The following KIFC2 variants were observed in gnomAD, a reference collection of about 807,000 sequenced individuals.
KIFC2 encodes kinesin family member C2, also known as kinesin-like protein KIFC2.
In KIFC2, 94 loss-of-function variants were observed where a neutral mutation model predicts 91.5. The ratio of observed to expected loss-of-function variants is 1.03; its 90% CI spans 0.87 to 1.22. The LOEUF (loss-of-function observed/expected upper bound fraction) is 1.22. Among genes scored for constraint, KIFC2 ranks in the 50% most tolerant of loss-of-function variants. The pLI, the probability that KIFC2 is intolerant of heterozygous loss-of-function variation, is 0.00. For missense variants in KIFC2, 1,357 were observed against 1,103.3 expected (o/e 1.23, Z -3.26); for synonymous variants, 729 against 503.9 (o/e 1.45, Z -5.98).
Position 144,467,600 on chromosome 8 carries a change from G to A in KIFC2, c.585G>A (p.Trp195Ter). ...AGTTGGAGGAGGATCAGAGGGCGTG[G>A]CAGCGGCTGGAGCAGCTCATCCTGG... ...PLQLEEDQRAWQRLEQLILGQ... is the reference protein window; with the variant it reads ...PLQLEEDQRA Residue 195 changes from tryptophan (W) to a stop codon, truncating the protein, a stop_gained, in exon 5 of 18, where the codon TGG (tryptophan) becomes TGA (stop). Coordinates refer to ENST00000645548, the MANE Select transcript of KIFC2 (RefSeq NM_001369769.2). LOFTEE classifies it high-confidence loss of function. The A allele has an allele frequency of 6.3e-7, 1 of 1,598,334 alleles. No individual in the cohort carries two copies. Among genetic ancestry groups the A allele is most frequent in the Non-Finnish European group, 8.5e-7 (1 of 1,171,876 alleles).
rs763950181 is a variant in KIFC2 at position 144,468,777 on chromosome 8, T to G, written c.1056T>G (p.Gly352=). The change falls in exon 10 of 18, where the codon GGT becomes GGG. Residue 352 remains glycine, a synonymous_variant. Coordinates refer to ENST00000645548, the MANE Select transcript of KIFC2 (RefSeq NM_001369769.2). ...SLRQGCGDLR[G]LVSTFTQSCQ... is the part of the protein sequence containing the mutation. ...GTCAGGGCTGCGGGGACCTCCGAGG[T>G]TTGGTCAGCACCTTTACCCAGAGCT... 1 of 1,613,998 alleles carries G rather than the reference T, an allele frequency of 6.2e-7. No individual in the cohort carries two copies. Among genetic ancestry groups the G allele is most frequent in the Non-Finnish European group, 8.5e-7 (1 of 1,180,008 alleles).
Position 144,473,500 on chromosome 8 carries a change from G to A in KIFC2, c.*111G>A. On this transcript the variant is annotated 3_prime_UTR_variant, in exon 18 of 18. Coordinates refer to ENST00000645548, the MANE Select transcript of KIFC2 (RefSeq NM_001369769.2). Reference sequence around the variant, plus strand: ...AGGGCACAAGCTCCCTAGCCTCTTTGGATCCATTGCCCCTGAGCTCCCAGA... The same window carrying A: ...AGGGCACAAGCTCCCTAGCCTCTTTAGATCCATTGCCCCTGAGCTCCCAGA... 1 of 1,418,438 alleles carries A rather than the reference G, an allele frequency of 7.1e-7. No individual in the cohort carries two copies. Among genetic ancestry groups the A allele is most frequent in the Non-Finnish European group, 9.2e-7 (1 of 1,085,704 alleles). The allele number at this position is 1,418,438 out of a possible 1,614,324, so 87.9% of individuals were successfully genotyped here. A position where few individuals can be genotyped will look rare whatever the true frequency, so the allele number is the denominator to read the frequency against.
In KIFC2 at chr8:144,468,552, T is replaced by C; in HGVS notation, c.905T>C (p.Val302Ala). The C allele has an allele frequency of 1.9e-6, 3 of 1,587,984 alleles. No individual in the cohort carries two copies. Among genetic ancestry groups the C allele is most frequent in the Non-Finnish European group, 2.6e-6 (3 of 1,167,622 alleles). ...GCGGGGCAGCTGGGGGTGCAGGAGG[T>C]GCAGCTGCAGGGCCTTCAAGGGGCC... ...ALRAQLGVQE[V>A]QLQGLQGALQ... Residue 302 changes from valine to alanine, a missense_variant, in exon 9 of 18, where the codon GTG (valine) becomes GCG (alanine). Physicochemically the swap from Val to Ala is moderately conservative, Grantham distance 64. Coordinates refer to ENST00000645548, the MANE Select transcript of KIFC2 (RefSeq NM_001369769.2).
chr8:144,468,718 T>C lies in KIFC2; in HGVS notation c.1004-7T>C, dbSNP rs546635622. 1.9e-6 allele frequency: 3 copies of C among 1,613,926 alleles called. No homozygotes were observed. Among genetic ancestry groups the C allele is most frequent in the Non-Finnish European group, 2.5e-6 (3 of 1,179,946 alleles). On this transcript the variant is annotated splice_region_variant and splice_polypyrimidine_tract_variant and intron_variant, in intron 9 of 17. Transcript: ENST00000645548. ...GGCCTTCCCTTCCAACAGACTTCCC[T>C]CTCCAGGACTTCGGGCACGGATGGC...
In KIFC2 at chr8:144,474,021, T is replaced by C. The variant is rs1248909786; in HGVS notation, c.*632T>C. ...CTGCTCCTGCAGCTTTGCCGCTGAGTGTAGGAAAAACAGGCATGACAGACC... is the reference window on the plus strand; with the variant it reads ...CTGCTCCTGCAGCTTTGCCGCTGAGCGTAGGAAAAACAGGCATGACAGACC... On this transcript the variant is annotated 3_prime_UTR_variant, in exon 18 of 18. Coordinates refer to ENST00000645548, the MANE Select transcript of KIFC2 (RefSeq NM_001369769.2). The C allele has an allele frequency of 3.5e-6, 2 of 574,080 alleles. No individual in the cohort carries two copies. The highest frequency in any genetic ancestry group is 3.7e-5 in the African/African-American group (2 of 53,504). 35.6% of individuals were successfully genotyped at this position (574,080 alleles called of 1,614,324 possible). A position where few individuals can be genotyped will look rare whatever the true frequency, so the allele number is the denominator to read the frequency against.
chr8:144,470,886 G>A (rs1247966336), intron 12 of KIFC2, among the ~76,000 whole-genome samples: 1 of 152,246 alleles, frequency 6.6e-6, no homozygotes, highest in African/African-American at 2.4e-5. Flanking sequence ...GGAAAGTGAG[G>A]CACAGGAAGG....
At chr8:144,467,670 G>T in intron 5 of KIFC2, 40 bp downstream of exon 5, 3 of 1,606,698 alleles carry the variant, frequency 1.9e-6, no homozygotes, top group Non-Finnish European at 1.7e-6. Flanking sequence ...CGGCTGGGAC[G>T]CCAGAAAAAG....
chr8:144,466,500 GC>G lies in KIFC2; in HGVS notation c.84del (p.Asp30ThrfsTer26). 1 of 1,307,684 alleles carries G rather than the reference GC, an allele frequency of 7.6e-7. No individual in the cohort carries two copies. Among genetic ancestry groups the G allele is most frequent in the Non-Finnish European group, 9.8e-7 (1 of 1,021,314 alleles). 81.0% of individuals were successfully genotyped at this position (1,307,684 alleles called of 1,614,324 possible). On this transcript the variant is annotated frameshift_variant, in exon 1 of 18. Transcript: ENST00000645548. LOFTEE classifies it high-confidence loss of function. ...RDGGAAAAAEPGDPAQRARKP... is the reference protein window; with the variant it reads ...RDGGAAAAAEXGDPAQRARKP... ...ATGGTGGCGCCGCGGCGGCCGCGGA[GC>G]CCGGGGACCCCGCCCAGGTGAGCGG... is the stretch of plus-strand genomic sequence containing the variant.
intron 15 of KIFC2, 25 bp downstream of exon 15, chr8:144,472,509 C>G: frequency 6.2e-7 from 1 of 1,611,330 alleles, no homozygotes. Context: ...CTCTCCGAGA[C>G]CCCGCCCCGT....
Position 144,466,370 on chromosome 8 carries a change from C to A in KIFC2, c.-50C>A. ...GGCGGGCGGGCGCCGAGTCTGGGCG[C>A]GGGGACGCGGGGCGGCGCGAAGCGG... On this transcript the variant is annotated 5_prime_UTR_variant, in exon 1 of 18. Transcript: ENST00000645548. The A allele has an allele frequency of 1.3e-6, 1 of 791,364 alleles. No individual in the cohort carries two copies. Among genetic ancestry groups the A allele is most frequent in the Non-Finnish European group, 1.6e-6 (1 of 608,124 alleles). 49.0% of individuals were successfully genotyped at this position (791,364 alleles called of 1,614,324 possible).
rs776591404 is a variant in KIFC2 at position 144,472,642 on chromosome 8, C to T, written c.1797C>T (p.Arg599=). The T allele has an allele frequency of 4.4e-6, 7 of 1,601,470 alleles. No homozygotes were observed. The highest frequency in any genetic ancestry group is 5.1e-6 in the Non-Finnish European group (6 of 1,179,472). Residue 599 remains arginine (R), a synonymous_variant, in exon 16 of 18, where the codon CGC becomes CGT. Transcript: ENST00000645548. ...CCGCCATGAACCAGCGCAGCTCCCG[C>T]TCGCATGCCCTGGTCACGCTGACGC... ...AATAMNQRSS[R]SHALVTLTLR...
At chr8:144,469,127 G>A (rs1016283347) in intron 10 of KIFC2, 144 bp from the exon 11 acceptor site, 11 of 705,028 alleles carry the variant, frequency 1.6e-5, no homozygotes, top group Admixed American at 8.5e-5. Flanking sequence ...GATGTCCCCA[G>A]GGGCCCAGAG....
In KIFC2 at chr8:144,467,213, T is replaced by A. The variant is rs748054614; in HGVS notation, c.341T>A (p.Val114Asp). The change falls in exon 4 of 18, where the codon GTC (valine) becomes GAC (aspartate). Residue 114 changes from valine to aspartate, a missense_variant. Transcript: ENST00000645548. ...GPADLGQSGEVPSLLTVTSQL... is the reference protein window; with the variant it reads ...GPADLGQSGEDPSLLTVTSQL... Reference sequence around the variant, plus strand: ...TTGTCTCCTTCGCAGTCTGGCGAGGTCCCCTCACTGTTGACAGTGACCAGT... The same window carrying A: ...TTGTCTCCTTCGCAGTCTGGCGAGGACCCCTCACTGTTGACAGTGACCAGT... 9.3e-6 allele frequency: 15 copies of A among 1,613,330 alleles called. No individual in the cohort carries two copies. The South Asian group carries it at 1.2e-4, about 13-fold the overall frequency.
chr8:144,466,679 T>C, intron 1 of KIFC2, 81 bp from the exon 2 acceptor site: 4 of 1,226,032 alleles, frequency 3.3e-6, no homozygotes, highest in African/African-American at 1.6e-5. Flanking sequence ...TCGGCCCCAA[T>C]CCTCCGGCCC....
chr8:144,468,255 T>C (rs1006927037), intron 7 of KIFC2, 74 bp from the exon 8 acceptor site: 1 of 1,384,358 alleles, frequency 7.2e-7, no homozygotes, highest in Middle Eastern at 1.8e-4. Context: ...CCTCTTGACT[T>C]GACTTTCCCA....
chr8:144,468,809 G>T lies in KIFC2; in HGVS notation c.1088G>T (p.Gly363Val), dbSNP rs1335207325. The T allele has an allele frequency of 6.2e-7, 1 of 1,613,976 alleles. No individual in the cohort carries two copies. The highest frequency in any genetic ancestry group is 1.7e-5 in the Admixed American group (1 of 60,022). Residue 363 changes from glycine to valine, a missense_variant, in exon 10 of 18, where the codon GGT (glycine) becomes GTT (valine). By Grantham distance (109) the Gly-to-Val change is moderately radical. Coordinates refer to ENST00000645548, the MANE Select transcript of KIFC2 (RefSeq NM_001369769.2). ...AGCACCTTTACCCAGAGCTGTCAGG[G>T]TTCGCTGAGTGAGGCCCGGGGCCAG... ...LVSTFTQSCQ[G>V]SLSEARGQVS... is the part of the protein sequence containing the mutation.
rs887788731 is a variant in KIFC2, at chr8:144,466,950, G to A, written c.179-9G>A. The A allele has an allele frequency of 4.6e-5, 73 of 1,589,620 alleles. No individual in the cohort carries two copies. Among genetic ancestry groups the A allele is most frequent in the Non-Finnish European group, 6.0e-5 (71 of 1,175,270 alleles). The stretch of plus-strand genomic sequence containing the variant: ...CGAAATGTCTCCCGCCCTCCTCCCT[G>A]ACCGGCAGCCAGCTCCGAGCCTGAG... On this transcript the variant is annotated splice_polypyrimidine_tract_variant and intron_variant, in intron 2 of 17. Transcript: ENST00000645548.
rs765838433 is a variant in KIFC2, at chr8:144,472,719, G to A, written c.1861+13G>A. 28 of 1,592,902 alleles carry A rather than the reference G, an allele frequency of 1.8e-5. No homozygotes were observed. Among genetic ancestry groups the A allele is most frequent in the Admixed American group, 3.4e-5 (2 of 59,360 alleles). On this transcript the variant is annotated intron_variant, in intron 16 of 17. Transcript: ENST00000645548. Reference sequence around the variant, plus strand: ...CCAGGCACCGCAGGTACCACGGCCGGTGCCTGAGCCCTGCGGAGTCTCCAG... The same window carrying A: ...CCAGGCACCGCAGGTACCACGGCCGATGCCTGAGCCCTGCGGAGTCTCCAG...
intron 10 of KIFC2, 61 bp downstream of exon 10, chr8:144,468,895 C>G (rs953091654): frequency 7.1e-7 from 1 of 1,402,680 alleles, no homozygotes; most frequent in African/African-American, 1.4e-5. Flanking sequence ...GTTCTTTTGA[C>G]GGGGGCGTTC....
Sources: allele counts gnomAD v4.1 joint callset (sites outside exome capture counted in the v4.1 genomes callset), GRCh38; gene constraint gnomAD v4.1.1; transcripts MANE v1.5; gene names NCBI Gene and HGNC (gene_info 2026-07-23, HGNC 2026-07-21).